PIAS2: variants seen among roughly 807,000 people sequenced by gnomAD.
PIAS2 encodes the protein protein inhibitor of activated STAT 2.
A neutral mutation model predicts 69.7 loss-of-function variants in PIAS2; 19 were observed. The observed-to-expected ratio is 0.27, with a 90% CI of 0.19 to 0.40. The LOEUF (loss-of-function observed/expected upper bound fraction) is 0.40. Among genes scored for constraint, PIAS2 ranks in the 10% least tolerant of loss-of-function variants. The probability of loss-of-function intolerance (pLI) is 1.00; values close to 1 mark genes in which losing one functional copy is unlikely to be tolerated. For synonymous variants in PIAS2, 261 were observed against 263.2 expected (o/e 0.99, Z 0.08); for missense variants, 624 against 757.0 (o/e 0.82, Z 2.06).
At chr18:46,814,841 A>G (rs979864775) in intron 13 of PIAS2, among the ~76,000 whole-genome samples, 2 of 152,206 alleles carry the variant, frequency 1.3e-5, no homozygotes, top group Non-Finnish European at 2.9e-5. Context: ...GGGATGATTG[A>G]CATATAGCAA....
chr18:46,888,494 T>C (rs966200239), intron 2 of PIAS2, among the ~76,000 whole-genome samples: 4 of 152,094 alleles, frequency 2.6e-5, no homozygotes, highest in South Asian at 2.1e-4. Context: ...TTCCAAGACA[T>C]ATTACATAGC....
intron 11 of PIAS2, 63 bp downstream of exon 11, chr18:46,827,896 A>T (rs1253881033): frequency 7.3e-7 from 1 of 1,363,488 alleles, no homozygotes; most frequent in Non-Finnish European, 1.0e-6. Context: ...GACATTTATA[A>T]ATCTATCCAA....
In PIAS2 at chr18:46,827,999, A is replaced by G; in HGVS notation, c.1468T>C (p.Cys490Arg). 4 of 1,613,882 alleles carry G rather than the reference A, an allele frequency of 2.5e-6. No individual in the cohort carries two copies. Among genetic ancestry groups the G allele is most frequent in the Non-Finnish European group, 3.4e-6 (4 of 1,179,868 alleles). The change falls in exon 11 of 14, where the codon TGC becomes CGC. Residue 490 changes from cysteine to arginine, a missense_variant. Transcript: ENST00000585916. ...EEEDPPAKRK[C>R]IFMSETQSSP... ...CTTTGTGTTTCTGACATAAAGATGC[A>G]TTTCCTTTTGGCAGGAGGGTCTTCC...
chr18:46,870,846 C>T (rs1199628458), intron 2 of PIAS2, among the ~76,000 whole-genome samples: 1 of 151,888 alleles, frequency 6.6e-6, no homozygotes, highest in African/African-American at 2.4e-5. Flanking sequence ...TTCCTGCAGC[C>T]GACCAAAAAT....
upstream of PIAS2, among the ~76,000 whole-genome samples, chr18:46,919,108 T>C (rs149889273): frequency 5.9e-3 from 893 of 151,010 alleles, 8 homozygotes; most frequent in Non-Finnish European, 9.4e-3. Context: ...CCCAGCACTT[T>C]AGGAAGCCGA....
At chr18:46,835,068 A>C (rs2044237745) in intron 9 of PIAS2, among the ~76,000 whole-genome samples, 1 of 152,214 alleles carries the variant, frequency 6.6e-6, no homozygotes. Context: ...ACAAATATGG[A>C]ATATCAAGAA....
upstream of PIAS2, among the ~76,000 whole-genome samples, chr18:46,919,880 C>T (rs563352047): frequency 6.6e-6 from 1 of 152,262 alleles, no homozygotes; most frequent in South Asian, 2.1e-4. Flanking sequence ...ATTTACACCT[C>T]AGTAGAATTT....
intron 3 of PIAS2, among the ~76,000 whole-genome samples, chr18:46,856,863 T>G (rs899058636): frequency 3.3e-5 from 5 of 152,154 alleles, no homozygotes; most frequent in Non-Finnish European, 7.4e-5. Context: ...TTCCCAATCC[T>G]CGAGCTCCAC....
chr18:46,875,471 C>T (rs985003592), intron 2 of PIAS2, among the ~76,000 whole-genome samples: 6 of 152,160 alleles, frequency 3.9e-5, no homozygotes, highest in Non-Finnish European at 5.9e-5. Context: ...CCTCCATATT[C>T]GAATGGTATG....
At chr18:46,887,466 A>C (rs2053397501) in intron 2 of PIAS2, among the ~76,000 whole-genome samples, 1 of 152,228 alleles carries the variant, frequency 6.6e-6, no homozygotes, top group Admixed American at 6.5e-5. Context: ...AAAAGAAAGC[A>C]ATCTTCCACA....
chr18:46,872,533 T>C (rs923443788), intron 2 of PIAS2, among the ~76,000 whole-genome samples: 7 of 152,220 alleles, frequency 4.6e-5, no homozygotes, highest in African/African-American at 1.7e-4. Flanking sequence ...TGCTTATATC[T>C]GGTGAAGCTA....
At chr18:46,909,694 C>T (rs2057037878) in intron 1 of PIAS2, among the ~76,000 whole-genome samples, 1 of 152,192 alleles carries the variant, frequency 6.6e-6, no homozygotes, top group South Asian at 2.1e-4. Context: ...AATATGCACA[C>T]ATTCTTCTTA....
At chr18:46,817,177 A>G in intron 12 of PIAS2, 1 of 964,170 alleles carries the variant, frequency 1.0e-6, no homozygotes. Flanking sequence ...TCAGTTTCAT[A>G]TGTTCAATCA....
chr18:46,888,731 G>T (rs1180374227), intron 2 of PIAS2, among the ~76,000 whole-genome samples: 1 of 152,156 alleles, frequency 6.6e-6, no homozygotes. Context: ...TCACAGTAGG[G>T]TTCCTGCACC....
chr18:46,866,807 C>T (rs1325955374), intron 2 of PIAS2, among the ~76,000 whole-genome samples: 1 of 152,122 alleles, frequency 6.6e-6, no homozygotes, highest in Non-Finnish European at 1.5e-5. Context: ...CCTAAAGACC[C>T]TGATAAACCT....
Position 46,855,584 on chromosome 18 carries a change from T to C in PIAS2, c.616A>G (p.Thr206Ala), listed in dbSNP as rs2047621071. ...ACTCACCTCAACTGAACTTGGACTG[T>C]ATAATCTCTCCTACCACCTGGCAAA... ...DFLPGGRRDYTVQVQLRLCLA... is the reference protein window; with the variant it reads ...DFLPGGRRDYAVQVQLRLCLA... The change falls in exon 4 of 14, where the codon ACA becomes GCA. Residue 206 changes from threonine (T) to alanine (A), a missense_variant. Physicochemically the swap from Thr to Ala is moderately conservative, Grantham distance 58. Coordinates refer to ENST00000585916, the MANE Select transcript of PIAS2 (RefSeq NM_004671.5). The C allele has an allele frequency of 5.0e-6, 8 of 1,613,742 alleles. No homozygotes were observed. The highest frequency in any genetic ancestry group is 1.1e-5 in the South Asian group (1 of 91,070).
chr18:46,898,703 A>C lies in PIAS2; in HGVS notation c.25-7649T>G, dbSNP rs183095904. On this transcript the variant is annotated intron_variant, in intron 1 of 13. Transcript: ENST00000585916. Reference sequence around the variant, plus strand: ...ACATTAAAAAACTATAGAATAAAAGAAGCTTTGAGGCCGGGTGCAGTGGCT... The same window carrying C: ...ACATTAAAAAACTATAGAATAAAAGCAGCTTTGAGGCCGGGTGCAGTGGCT... Among the ~76,000 whole-genome samples, 8 of 152,266 alleles carry C rather than the reference A, an allele frequency of 5.3e-5. No homozygotes were observed. In the East Asian group the frequency reaches 1.5e-3, roughly 29 times the overall value.
intron 2 of PIAS2, among the ~76,000 whole-genome samples, chr18:46,889,135 AGGAAAACACAGG>A (rs999585318): frequency 3.9e-5 from 6 of 152,234 alleles, no homozygotes; most frequent in Admixed American, 3.3e-4. Context: ...AAATTCTTAA[AGGAAAACACAGG>A]GCAAAACCTT....
At chr18:46,896,165 C>CAAAAAAAAAAA (rs1199712335) in intron 1 of PIAS2, among the ~76,000 whole-genome samples, 4 of 31,948 alleles carry the variant, frequency 1.3e-4, no homozygotes, top group Non-Finnish European at 1.9e-4. Context: ...AAGAAAAAAG[C>CAAAAAAAAAAA]AAAAAAAAAA....
Sources: gnomAD v4.1 joint callset for allele counts (sites outside exome capture counted in the v4.1 genomes callset) on GRCh38, gnomAD v4.1.1 for gene constraint, MANE v1.5 for transcripts, NCBI Gene and HGNC (gene_info 2026-07-23, HGNC 2026-07-21) for gene names.